The following PACRG variants were observed in gnomAD, a reference collection of about 807,000 sequenced individuals.
PACRG encodes parkin coregulated gene protein.
PACRG carries 29 observed loss-of-function variants against 29.7 expected under a neutral mutation model. That is an observed-to-expected ratio of 0.98 (90% CI 0.73 to 1.33). The LOEUF is 1.33. Among genes scored for constraint, PACRG ranks in the 40% most tolerant of loss-of-function variants. The pLI, the probability that PACRG is intolerant of heterozygous loss-of-function variation, is 0.00. For missense variants in PACRG, 279 were observed against 316.2 expected (o/e 0.88, Z 0.89); for synonymous variants, 116 against 118.7 (o/e 0.98, Z 0.15).
At chr6:163,179,752 A>G (rs1779564624) in intron 4 of PACRG, among the ~76,000 whole-genome samples, 2 of 151,958 alleles carry the variant, frequency 1.3e-5, no homozygotes, top group African/African-American at 4.8e-5. Flanking sequence ...GTTTTCTTGC[A>G]TGGCCTATGA....
chr6:162,995,153 A>C (rs1220713244), intron 2 of PACRG, among the ~76,000 whole-genome samples: 2 of 150,246 alleles, frequency 1.3e-5, no homozygotes, highest in African/African-American at 2.5e-5. Context: ...AAGCTGTCAG[A>C]CAGGGACATT....
Position 163,073,820 on chromosome 6 carries a change from C to T in PACRG, c.463+11499C>T, listed in dbSNP as rs184655272. On this transcript the variant is annotated intron_variant, in intron 3 of 4. Transcript: ENST00000366888. The stretch of plus-strand genomic sequence containing the variant: ...GGAAGACATGCAAATAGCAAATAGG[C>T]ATATGAAAAGGTTCTCGACATAATT... Among the ~76,000 whole-genome samples the T allele has an allele frequency of 5.9e-5, 9 of 152,252 alleles. No homozygotes were observed. The East Asian group carries it at 1.5e-3, about 26-fold the overall frequency.
intron 4 of PACRG, among the ~76,000 whole-genome samples, chr6:163,099,002 G>C (rs1031961086): frequency 3.9e-5 from 6 of 152,172 alleles, no homozygotes; most frequent in Admixed American, 3.3e-4. Context: ...TCATCAGCAA[G>C]GTCTTTCTGA....
At chr6:163,079,609 C>T (rs1812881200) in intron 3 of PACRG, among the ~76,000 whole-genome samples, 1 of 152,142 alleles carries the variant, frequency 6.6e-6, no homozygotes, top group Non-Finnish European at 1.5e-5. Flanking sequence ...CTCCTGGTAA[C>T]AACTACTATT....
chr6:163,270,260 C>A (rs1402252566), intron 4 of PACRG, among the ~76,000 whole-genome samples: 3 of 152,136 alleles, frequency 2.0e-5, no homozygotes, highest in African/African-American at 4.8e-5. Context: ...GGCAGGCTAA[C>A]CCCCTGGGGA....
chr6:162,730,607 G>A, intron 1 of PACRG, among the ~76,000 whole-genome samples: 1 of 152,084 alleles, frequency 6.6e-6, no homozygotes, highest in East Asian at 1.9e-4. Context: ...TGTGCAAGCA[G>A]AAATGCTTAT....
intron 2 of PACRG, among the ~76,000 whole-genome samples, chr6:162,870,381 T>C (rs1305716771): frequency 6.6e-6 from 1 of 152,244 alleles, no homozygotes; most frequent in East Asian, 1.9e-4. Flanking sequence ...CTCATTCACT[T>C]ACCAGTGTGA....
chr6:163,098,906 G>A (rs930601787), intron 4 of PACRG, among the ~76,000 whole-genome samples: 1 of 152,192 alleles, frequency 6.6e-6, no homozygotes, highest in Non-Finnish European at 1.5e-5. Flanking sequence ...CCTGGTGGGA[G>A]TGTAGCAGTG....
chr6:163,295,200 T>C (rs1784744043), intron 4 of PACRG, among the ~76,000 whole-genome samples: 2 of 152,276 alleles, frequency 1.3e-5, no homozygotes, highest in South Asian at 2.1e-4. Flanking sequence ...CAGTATTCAC[T>C]TTTATAATTA....
chr6:162,919,589 G>A (rs1796926924), intron 2 of PACRG, among the ~76,000 whole-genome samples: 1 of 152,196 alleles, frequency 6.6e-6, no homozygotes, highest in Non-Finnish European at 1.5e-5. Flanking sequence ...AGGAAGAAAA[G>A]ATACAGATGT....
chr6:162,793,020 G>A (rs1005259438), intron 1 of PACRG, among the ~76,000 whole-genome samples: 22 of 152,180 alleles, frequency 1.4e-4, no homozygotes, highest in African/African-American at 5.1e-4. Flanking sequence ...TGGACCTTGA[G>A]TCCTGCAATA....
At chr6:163,209,940 T>A (rs564706072) in intron 4 of PACRG, among the ~76,000 whole-genome samples, 1 of 152,170 alleles carries the variant, frequency 6.6e-6, no homozygotes, top group African/African-American at 2.4e-5. Flanking sequence ...AGTAAGAGTA[T>A]ATGTGTGAAG....
chr6:162,854,164 C>G (rs1045807102), intron 2 of PACRG, among the ~76,000 whole-genome samples: 2 of 73,700 alleles, frequency 2.7e-5, no homozygotes, highest in East Asian at 3.5e-4. Context: ...CATTTTCTTT[C>G]TGTTTTTTTT....
chr6:162,936,203 C>A (rs1038848682), intron 2 of PACRG, among the ~76,000 whole-genome samples: 1 of 152,152 alleles, frequency 6.6e-6, no homozygotes, highest in Admixed American at 6.5e-5. Flanking sequence ...GGAAACCACC[C>A]CCATGATTCA....
rs182292203 is a variant in PACRG, at chr6:163,269,914, G to C, written c.614-44913G>C. 3.5e-3 allele frequency among the ~76,000 whole-genome samples: 241 copies of C among 69,584 alleles called. 55 individuals carry two copies. Among genetic ancestry groups the C allele is most frequent in the African/African-American group, 0.017 (223 of 12,786 alleles). 45.6% of individuals were successfully genotyped at this position (69,584 alleles called of 152,430 possible). On this transcript the variant is annotated intron_variant, in intron 4 of 4. Coordinates refer to ENST00000366888, the MANE Select transcript of PACRG (RefSeq NM_001080379.2). ...GAAAACAAAGAAAGAAAGAAAGAAA[G>C]AAAGAAAGAAAGAAAACAAAGAAAG...
chr6:163,090,652 A>G (rs1332698932), intron 4 of PACRG, among the ~76,000 whole-genome samples: 1 of 152,240 alleles, frequency 6.6e-6, no homozygotes, highest in Non-Finnish European at 1.5e-5. Context: ...TTTACCATAT[A>G]GTAGCAGCAA....
chr6:163,118,397 A>C (rs957561237), intron 4 of PACRG, among the ~76,000 whole-genome samples: 1 of 152,202 alleles, frequency 6.6e-6, no homozygotes, highest in Non-Finnish European at 1.5e-5. Context: ...GTGGAAGGGA[A>C]GGTTTGAGAG....
intron 4 of PACRG, among the ~76,000 whole-genome samples, chr6:163,114,105 T>C (rs541681): frequency 0.48 from 72,465 of 151,968 alleles, 18,299 homozygotes; most frequent in African/African-American, 0.65. Context: ...TAAAAACTAG[T>C]TGGGCATGGT....
intron 4 of PACRG, among the ~76,000 whole-genome samples, chr6:163,196,861 A>ATTTTTTACCCT (rs1450536547): frequency 7.3e-6 from 1 of 136,152 alleles, no homozygotes; most frequent in East Asian, 1.9e-4. Flanking sequence ...AGACAAATAG[A>ATTTTTTACCCT]CAGACAAATA....
Sources: allele counts gnomAD v4.1 joint callset (sites outside exome capture counted in the v4.1 genomes callset), GRCh38; gene constraint gnomAD v4.1.1; transcripts MANE v1.5; gene names NCBI Gene and HGNC (gene_info 2026-07-23, HGNC 2026-07-21).